The following KCNMA1 variants were observed in gnomAD, a reference collection of about 807,000 sequenced individuals.
KCNMA1 encodes the protein potassium calcium-activated channel subfamily M alpha 1, also known as Calcium-activated potassium channel subunit alpha-1.
Under a neutral mutation model 140.0 loss-of-function variants are expected in KCNMA1, and 29 were observed. The ratio of observed to expected loss-of-function variants is 0.21; its 90% CI spans 0.15 to 0.28. The LOEUF (loss-of-function observed/expected upper bound fraction) is 0.28. KCNMA1 is among the 10% of genes least tolerant of loss of function. The pLI is 1.00. For missense variants in KCNMA1, 880 were observed against 1,602.2 expected (o/e 0.55, Z 7.70); for synonymous variants, 612 against 611.9 (o/e 1.00, Z 0.00).
chr10:77,327,842 C>A (rs551896900), intron 2 of KCNMA1, among the ~76,000 whole-genome samples: 1 of 152,162 alleles, frequency 6.6e-6, no homozygotes, highest in African/African-American at 2.4e-5. Flanking sequence ...TCTGTGCGAT[C>A]TTAGGTAAGC....
intron 14 of KCNMA1, among the ~76,000 whole-genome samples, chr10:77,044,872 G>A (rs1197886485): frequency 6.6e-6 from 1 of 152,150 alleles, no homozygotes; most frequent in Non-Finnish European, 1.5e-5. Context: ...CAAAGATAGA[G>A]GTGTAGGGAG....
chr10:76,936,876 T>G (rs1018537978), intron 23 of KCNMA1, among the ~76,000 whole-genome samples: 2 of 152,172 alleles, frequency 1.3e-5, no homozygotes, highest in Admixed American at 6.5e-5. Context: ...ACAAAGACAG[T>G]GCCGTTCAGG....
chr10:77,517,388 C>T (rs1340303725), intron 1 of KCNMA1, among the ~76,000 whole-genome samples: 1 of 152,214 alleles, frequency 6.6e-6, no homozygotes, highest in East Asian at 1.9e-4. Context: ...CCTGGAATCC[C>T]TCTGTCCCTG....
chr10:77,395,826 G>A (rs1489291728), intron 2 of KCNMA1, among the ~76,000 whole-genome samples: 2 of 152,258 alleles, frequency 1.3e-5, no homozygotes, highest in East Asian at 1.9e-4. Context: ...ACTACCTGTC[G>A]GGGGAGACTG....
intron 20 of KCNMA1, among the ~76,000 whole-genome samples, chr10:76,966,852 G>A (rs182619605): frequency 1.5e-3 from 224 of 152,218 alleles, no homozygotes; most frequent in African/African-American, 5.2e-3. Flanking sequence ...CCAGACACTC[G>A]CCATTCAGCT....
At chr10:77,607,938 C>T (rs566644624) in intron 1 of KCNMA1, among the ~76,000 whole-genome samples, 39 of 152,280 alleles carry the variant, frequency 2.6e-4, no homozygotes, top group Non-Finnish European at 5.4e-4. Context: ...TTAAGTAATT[C>T]ACAAAAGAGA....
intron 16 of KCNMA1, among the ~76,000 whole-genome samples, chr10:77,023,514 A>C (rs1464463920): frequency 6.6e-6 from 1 of 152,208 alleles, no homozygotes; most frequent in Non-Finnish European, 1.5e-5. Context: ...TAACTAAAGC[A>C]AGCAAATAAG....
intron 2 of KCNMA1, among the ~76,000 whole-genome samples, chr10:77,256,083 G>C (rs1303372433): frequency 6.6e-6 from 1 of 152,092 alleles, no homozygotes; most frequent in African/African-American, 2.4e-5. Context: ...CATGAAAATG[G>C]ACAATAGCAC....
chr10:77,320,912 G>C (rs2082161667), intron 2 of KCNMA1, among the ~76,000 whole-genome samples: 1 of 152,140 alleles, frequency 6.6e-6, no homozygotes, highest in South Asian at 2.1e-4. Flanking sequence ...CCAGGAATCT[G>C]TGCTGTTGAG....
intron 15 of KCNMA1, among the ~76,000 whole-genome samples, chr10:77,029,800 G>A (rs1258887091): frequency 6.6e-6 from 1 of 152,114 alleles, no homozygotes; most frequent in Non-Finnish European, 1.5e-5. Flanking sequence ...AGCTCTGAGT[G>A]TTTGAGGATC....
In KCNMA1 at chr10:77,523,809, C is replaced by T. The variant is rs1172669968; in HGVS notation, c.378+113456G>A. Among the ~76,000 whole-genome samples the T allele has an allele frequency of 3.9e-5, 6 of 151,932 alleles. 1 individual carries two copies. Among genetic ancestry groups the T allele is most frequent in the Middle Eastern group, 3.4e-3 (1 of 290 alleles). On this transcript the variant is annotated intron_variant, in intron 1 of 27. Coordinates refer to ENST00000286628, the MANE Select transcript of KCNMA1 (RefSeq NM_001161352.2). The stretch of plus-strand genomic sequence containing the variant: ...TACCAGAGGCTGGGAAGGGGAGTGG[C>T]GGATTGGAGGGGAGGCAGGATGGTT...
chr10:76,879,084 G>T (rs2033426653), intron 29 of KCNMA1, among the ~76,000 whole-genome samples: 1 of 152,006 alleles, frequency 6.6e-6, no homozygotes, highest in Admixed American at 6.6e-5. Context: ...TGCTCACCTG[G>T]TTTGATAGGG....
chr10:76,991,008 G>A (rs2082593738), intron 19 of KCNMA1, among the ~76,000 whole-genome samples: 1 of 152,182 alleles, frequency 6.6e-6, no homozygotes, highest in African/African-American at 2.4e-5. Context: ...TGCTGCTGTT[G>A]CATTCAAGCT....
At chr10:77,086,614 T>C (rs1222061738) in intron 10 of KCNMA1, 21 bp from the exon 11 acceptor site, 1 of 1,556,124 alleles carries the variant, frequency 6.4e-7, no homozygotes, top group Non-Finnish European at 8.9e-7. Flanking sequence ...AGAGAAGAAA[T>C]CGCTATTAAT....
intron 1 of KCNMA1, among the ~76,000 whole-genome samples, chr10:77,489,398 C>T (rs937552679): frequency 3.3e-5 from 5 of 151,880 alleles, no homozygotes; most frequent in Non-Finnish European, 7.4e-5. Flanking sequence ...TGGAGTGGCA[C>T]GATCTTGGCT....
At chr10:77,105,240 G>A (rs1446091912) in intron 9 of KCNMA1, among the ~76,000 whole-genome samples, 1 of 152,228 alleles carries the variant, frequency 6.6e-6, no homozygotes, top group Non-Finnish European at 1.5e-5. Context: ...CTAGGCCCTT[G>A]AAATAGTGTT....
At chr10:77,584,636 C>G (rs561090441) in intron 1 of KCNMA1, among the ~76,000 whole-genome samples, 1 of 152,288 alleles carries the variant, frequency 6.6e-6, no homozygotes, top group African/African-American at 2.4e-5. Flanking sequence ...GGATTACAGG[C>G]ATAAGCCACC....
chr10:77,514,558 A>T (rs816840), intron 1 of KCNMA1, among the ~76,000 whole-genome samples: 3 of 152,000 alleles, frequency 2.0e-5, no homozygotes, highest in African/African-American at 4.8e-5. Flanking sequence ...AGGCTTCCCA[A>T]CTACTGAAAA....
rs200550652 is a variant in KCNMA1 at position 77,404,035 on chromosome 10, G to A, written c.379-12C>T. The A allele has an allele frequency of 6.2e-7, 1 of 1,613,694 alleles. No homozygotes were observed. The highest frequency in any genetic ancestry group is 1.3e-5 in the African/African-American group (1 of 74,930). ...ATCTTCTGGGCCTCCTGGCAACAGA[G>A]AGAGCAAGAGTTAAGACATAGGGAA... is the stretch of plus-strand genomic sequence containing the variant. On this transcript the variant is annotated splice_polypyrimidine_tract_variant and intron_variant, in intron 1 of 27. Coordinates refer to ENST00000286628, the MANE Select transcript of KCNMA1 (RefSeq NM_001161352.2).
Sources: gnomAD v4.1 joint callset for allele counts (sites outside exome capture counted in the v4.1 genomes callset) on GRCh38, gnomAD v4.1.1 for gene constraint, MANE v1.5 for transcripts, NCBI Gene and HGNC (gene_info 2026-07-23, HGNC 2026-07-21) for gene names.